The following SURF1 variants were observed in gnomAD, a reference collection of about 807,000 sequenced individuals.
SURF1 encodes the protein surfeit locus protein 1.
Under a neutral mutation model 34.1 loss-of-function variants are expected in SURF1, and 45 were observed. The ratio of observed to expected loss-of-function variants is 1.32; its 90% confidence interval spans 1.04 to 1.69. The LOEUF (loss-of-function observed/expected upper bound fraction) is 1.69, where lower values mean the gene tolerates loss of function less well. Ranked by LOEUF, SURF1 falls within the 40% of genes most tolerant of loss-of-function variation. The probability of loss-of-function intolerance (pLI) is 0.00; values close to 1 mark genes in which losing one functional copy is unlikely to be tolerated. For synonymous variants in SURF1, 188 were observed against 147.5 expected (o/e 1.27, Z -1.99); for missense variants, 456 against 384.6 (o/e 1.19, Z -1.55).
At position 133,351,816 on chromosome 9, in the gene SURF1, A is replaced by G. The variant is rs917597132; in HGVS notation, c.*97T>C. Reference sequence around the variant, plus strand: ...AACCAGTCATGAGCTCATTTAAGGTAGAAGGCCAGAACTTTATACCAGTAG... The same window carrying G: ...AACCAGTCATGAGCTCATTTAAGGTGGAAGGCCAGAACTTTATACCAGTAG... On this transcript the variant is annotated 3_prime_UTR_variant, in exon 9 of 9. Transcript: ENST00000371974. 1.3e-5 allele frequency: 17 copies of G among 1,357,026 alleles called. No individual in the cohort carries two copies. Among genetic ancestry groups the G allele is most frequent in the Non-Finnish European group, 1.7e-5 (16 of 968,682 alleles). 84.1% of individuals were successfully genotyped at this position (1,357,026 alleles called of 1,614,324 possible).
Position 133,354,736 on chromosome 9 carries a change from C to T in SURF1, c.246G>A (p.Gln82=). 16 of 1,613,720 alleles carry T rather than the reference C, an allele frequency of 9.9e-6. No homozygotes were observed. Among genetic ancestry groups the T allele is most frequent in the Non-Finnish European group, 1.4e-5 (16 of 1,180,036 alleles). Residue 82 remains glutamine, a synonymous_variant, in exon 4 of 9, where the codon CAG becomes CAA. Transcript: ENST00000371974. ...TAFGLGTWQV[Q]RRKWKLNLIA... is the part of the protein sequence containing the mutation. ...TCAGGTTCAGCTTCCACTTCCGACGCTGGACCTACAGTGACAGAGCATAAG... is the reference window on the plus strand; with the variant it reads ...TCAGGTTCAGCTTCCACTTCCGACGTTGGACCTACAGTGACAGAGCATAAG...
In SURF1 at chr9:133,352,563, T is replaced by C; in HGVS notation, c.634A>G (p.Thr212Ala). 6.2e-7 allele frequency: 1 copy of C among 1,614,162 alleles called. No individual in the cohort carries two copies. The highest frequency in any genetic ancestry group is 1.7e-5 in the Admixed American group (1 of 60,018). Residue 212 changes from threonine (T) to alanine (A), a missense_variant, in exon 7 of 9, where the codon ACC becomes GCC. By Grantham distance (58) the Thr-to-Ala change is moderately conservative. Coordinates refer to ENST00000371974, the MANE Select transcript of SURF1 (RefSeq NM_003172.4). ...DLIGMVRLTETRQPFVPENNP... is the reference protein window; with the variant it reads ...DLIGMVRLTEARQPFVPENNP... Reference sequence around the variant, plus strand: ...TTCTCAGGGACAAAAGGCTGCCTGGTTTCTGTCAGCCTCACCATCCCAATG... The same window carrying C: ...TTCTCAGGGACAAAAGGCTGCCTGGCTTCTGTCAGCCTCACCATCCCAATG...
intron 4 of SURF1, chr9:133,354,141 T>A: frequency 1.5e-6 from 1 of 660,084 alleles, no homozygotes; most frequent in South Asian, 1.7e-5. Flanking sequence ...AGGCTAAAAA[T>A]CTGGACTCCT....
At chr9:133,355,860 C>T (rs756339702) in intron 2 of SURF1, among the ~76,000 whole-genome samples, 1 of 151,490 alleles carries the variant, frequency 6.6e-6, no homozygotes, top group Non-Finnish European at 1.5e-5. Flanking sequence ...GGCAGGCTTG[C>T]ACAGCACTCT....
rs2130005951 is a variant in SURF1, at chr9:133,352,272, G to A, written c.752-130C>T. The A allele has an allele frequency of 2.5e-5, 34 of 1,358,940 alleles. No individual in the cohort carries two copies. In the Middle Eastern group the frequency reaches 7.0e-4, roughly 28 times the overall value. The allele number at this position is 1,358,940 out of a possible 1,614,324, so 84.2% of individuals were successfully genotyped here. On this transcript the variant is annotated intron_variant, in intron 7 of 8. Coordinates refer to ENST00000371974, the MANE Select transcript of SURF1 (RefSeq NM_003172.4). ...GCCTTTACGTTGGGTGACCATCCCC[G>A]CCCTTGTCCGCTCAGTACTTGCCTA...
intron 2 of SURF1, 51 bp downstream of exon 2, chr9:133,356,218 C>G: frequency 6.5e-7 from 1 of 1,529,162 alleles, no homozygotes; most frequent in Non-Finnish European, 8.8e-7. Flanking sequence ...GGGCAGACAG[C>G]AGGTGGCTCT....
At chr9:133,354,351 T>G in intron 4 of SURF1, 2 of 504,204 alleles carry the variant, frequency 4.0e-6, no homozygotes, top group Non-Finnish European at 7.2e-6. Flanking sequence ...GAGACCTACA[T>G]TATCTGTCCT....
At chr9:133,352,330 C>T (rs2130006171) in intron 7 of SURF1, 116 bp downstream of exon 7, 22 of 1,551,912 alleles carry the variant, frequency 1.4e-5, no homozygotes, top group Admixed American at 5.1e-5. Flanking sequence ...TCCTCCCACC[C>T]GCCATATACA....
chr9:133,351,979 A>C lies in SURF1; in HGVS notation c.837T>G (p.Tyr279Ter). ...GGTAGGATGTAGCTGCAGAGAGTCC[A>C]TACCTAGGGGTTGAAAGCAAGCCAG... ...NEHLQYIVTWYGLSAATSYLW... is the reference protein window; with the variant it reads ...NEHLQYIVTW Residue 279 changes from tyrosine to a stop codon, truncating the protein, a stop_gained, in exon 9 of 9, where the codon TAT becomes TAG. Transcript: ENST00000371974. LOFTEE classifies it low-confidence loss of function (END_TRUNC). 1 of 1,613,908 alleles carries C rather than the reference A, an allele frequency of 6.2e-7. No homozygotes were observed. The highest frequency in any genetic ancestry group is 8.5e-7 in the Non-Finnish European group (1 of 1,179,954).
chr9:133,354,678 G>C lies in SURF1; in HGVS notation c.304C>G (p.Pro102Ala), dbSNP rs2130017886. The C allele has an allele frequency of 2.2e-5, 36 of 1,612,996 alleles. No homozygotes were observed. Among genetic ancestry groups the C allele is most frequent in the Admixed American group, 6.7e-5 (4 of 59,996 alleles). The change falls in exon 4 of 9, where the codon CCT (proline) becomes GCT (alanine). Residue 102 changes from proline (P) to alanine (A), a missense_variant. Coordinates refer to ENST00000371974, the MANE Select transcript of SURF1 (RefSeq NM_003172.4). ...AELESRVLAE[P>A]VPLPADPMEL... ...ACTCACTCGGCTGGCAGAGGGACAG[G>C]CTCAGCCAGAACTCTGGACTCCAAC...
intron 5 of SURF1, 44 bp from the exon 6 acceptor site, chr9:133,352,810 C>A (rs2130010464): frequency 3.2e-6 from 5 of 1,576,624 alleles, no homozygotes; most frequent in Non-Finnish European, 4.3e-6. Context: ...GGGTTTTTGA[C>A]TAAAGACAGT....
Position 133,353,774 on chromosome 9 carries a change from T to C in SURF1, c.490A>G (p.Thr164Ala). 1 of 1,613,696 alleles carries C rather than the reference T, an allele frequency of 6.2e-7. No homozygotes were observed. Among genetic ancestry groups the C allele is most frequent in the Non-Finnish European group, 8.5e-7 (1 of 1,180,016 alleles). ...SSTQSGAYVV[T>A]PFHCTDLGVT... ...CCCAGGTCGGTGCAGTGGAAGGGAG[T>C]GACCACATAGGCCCCACTCTGAGTT... The change falls in exon 5 of 9, where the codon ACT (threonine) becomes GCT (alanine). Residue 164 changes from threonine (T) to alanine (A), a missense_variant. Transcript: ENST00000371974.
At chr9:133,352,422 G>A (rs2130006750) in intron 7 of SURF1, 24 bp downstream of exon 7, 65 of 1,614,064 alleles carry the variant, frequency 4.0e-5, no homozygotes, top group African/African-American at 2.0e-4. Context: ...TACTTGTTCC[G>A]AGATGGGCTG....
rs2130017030 is a variant in SURF1, at chr9:133,354,399, A to C, written c.323+260T>G. On this transcript the variant is annotated intron_variant, in intron 4 of 8. Coordinates refer to ENST00000371974, the MANE Select transcript of SURF1 (RefSeq NM_003172.4). Reference sequence around the variant, plus strand: ...CTTGGGCCCTGTGGAGGATAAGTTTACTATACCTGAAAAAAGGGTGACACC... The same window carrying C: ...CTTGGGCCCTGTGGAGGATAAGTTTCCTATACCTGAAAAAAGGGTGACACC... The C allele has an allele frequency of 7.1e-5, 40 of 559,462 alleles. 1 individual carries two copies. In the South Asian group the frequency reaches 7.4e-4, roughly 10 times the overall value. 34.7% of individuals were successfully genotyped at this position (559,462 alleles called of 1,614,324 possible). A position where few individuals can be genotyped will look rare whatever the true frequency, so the allele number is the denominator to read the frequency against.
chr9:133,355,730 G>A (rs1217790380), intron 2 of SURF1, among the ~76,000 whole-genome samples: 3 of 152,154 alleles, frequency 2.0e-5, no homozygotes, highest in African/African-American at 4.8e-5. Flanking sequence ...ATGTAAAGAG[G>A]GAAGAATGTA....
In SURF1 at chr9:133,354,647, C is replaced by A. The variant is rs1052494531; in HGVS notation, c.323+12G>T. 1.2e-6 allele frequency: 2 copies of A among 1,612,144 alleles called. No homozygotes were observed. The highest frequency in any genetic ancestry group is 2.7e-5 in the African/African-American group (2 of 74,860). On this transcript the variant is annotated intron_variant, in intron 4 of 8. Coordinates refer to ENST00000371974, the MANE Select transcript of SURF1 (RefSeq NM_003172.4). Reference sequence around the variant, plus strand: ...AGTAAAACAGGCCCTAGGGGGGCAGCCATGCACTCACTCGGCTGGCAGAGG... The same window carrying A: ...AGTAAAACAGGCCCTAGGGGGGCAGACATGCACTCACTCGGCTGGCAGAGG...
Position 133,352,748 on chromosome 9 carries a change from A to AT in SURF1, c.533dup (p.Asn178LysfsTer2). ...CTTTCTTCCTGGGAACGAACCCTCT[A>AT]TTTACCAGGATGGTGACTCTAGGGT... On this transcript the variant is annotated frameshift_variant, in exon 6 of 9. Transcript: ENST00000371974. LOFTEE classifies it high-confidence loss of function. 2 of 1,611,982 alleles carry AT rather than the reference A, an allele frequency of 1.2e-6. No individual in the cohort carries two copies.
intron 2 of SURF1, among the ~76,000 whole-genome samples, chr9:133,355,193 G>C (rs1044046781): frequency 6.6e-6 from 1 of 152,206 alleles, no homozygotes; most frequent in African/African-American, 2.4e-5. Context: ...CACCAACCAC[G>C]ACCCTGAGTA....
At chr9:133,355,355 C>T (rs1213080316) in intron 2 of SURF1, among the ~76,000 whole-genome samples, 1 of 152,118 alleles carries the variant, frequency 6.6e-6, no homozygotes, top group Non-Finnish European at 1.5e-5. Flanking sequence ...CCAAGGCGGG[C>T]GGATCACGAG....
Sources: allele counts gnomAD v4.1 joint callset (sites outside exome capture counted in the v4.1 genomes callset), GRCh38; gene constraint gnomAD v4.1.1; transcripts MANE v1.5; gene names NCBI Gene and HGNC (gene_info 2026-07-23, HGNC 2026-07-21).